Variants in TTN observed in about 807,000 individuals in gnomAD.
The protein encoded by TTN is connectin.
Under a neutral mutation model 3,223.0 loss-of-function variants are expected in TTN, and 1,525 were observed. That is an observed-to-expected ratio of 0.47 (90% CI 0.45 to 0.49). TTN has a LOEUF of 0.49. Among genes scored for constraint, TTN ranks in the 20% least tolerant of loss-of-function variants. TTN has a pLI of 0.00. For missense variants in TTN, 40,786 were observed against 43,424.0 expected (o/e 0.94, Z 5.40); for synonymous variants, 14,094 against 15,161.0 (o/e 0.93, Z 5.17).
intron 298 of TTN, 21 bp downstream of exon 298, chr2:178,593,547 A>C (rs1433592767): frequency 6.2e-7 from 1 of 1,603,910 alleles, no homozygotes; most frequent in Non-Finnish European, 8.5e-7. Context: ...TTGAATCACT[A>C]AAAAGAAACA....
At chr2:178,624,325 G>T in intron 242 of TTN, 140 bp downstream of exon 242, 1 of 988,138 alleles carries the variant, frequency 1.0e-6, no homozygotes, top group Non-Finnish European at 1.6e-6. Flanking sequence ...TAAAGGATCA[G>T]GTTAGGTCAG....
intron 49 of TTN, among the ~76,000 whole-genome samples, chr2:178,736,950 C>T (rs561009858): frequency 2.6e-5 from 4 of 152,228 alleles, no homozygotes; most frequent in South Asian, 2.1e-4. Context: ...TTTGCCCTTC[C>T]CCTTGATATT....
chr2:178,627,384 G>A (rs2059204853), intron 240 of TTN, among the ~76,000 whole-genome samples: 1 of 151,858 alleles, frequency 6.6e-6, no homozygotes, highest in African/African-American at 2.4e-5. Flanking sequence ...ATTAAAGTTC[G>A]GAATTACATT....
chr2:178,603,095 A>G (rs560749858), intron 282 of TTN, among the ~76,000 whole-genome samples: 1 of 152,046 alleles, frequency 6.6e-6, no homozygotes, highest in Non-Finnish European at 1.5e-5. Context: ...CTTTACAATT[A>G]CAGAAATTCT....
chr2:178,706,412 T>C (rs745752974), intron 102 of TTN, 42 bp downstream of exon 102: 105 of 1,550,824 alleles, frequency 6.8e-5, no homozygotes, highest in Non-Finnish European at 8.2e-5. Context: ...CCCACTTATA[T>C]GGAGGGCTGA....
At position 178,724,531 on chromosome 2, in the gene TTN, T is replaced by C. The variant is rs568389915; in HGVS notation, c.20844A>G (p.Ala6948=). ...TCGGTCCTGCCTTCTCAACAATGAC[T>C]GCGGGCTCTGAAATAAAACGTGATA... The part of the protein sequence containing the change: ...NMATLMVLEP[A]VIVEKAGPMT... Residue 6948 remains alanine (A), a synonymous_variant, in exon 72 of 363, where the codon GCA becomes GCG. Transcript: ENST00000589042. 6.3e-7 allele frequency: 1 copy of C among 1,584,742 alleles called. No individual in the cohort carries two copies. Among genetic ancestry groups the C allele is most frequent in the African/African-American group, 1.4e-5 (1 of 73,924 alleles).
Position 178,562,904 on chromosome 2 carries a change from C to A in TTN, c.83228G>T (p.Arg27743Leu). The A allele has an allele frequency of 6.2e-7, 1 of 1,613,386 alleles. No individual in the cohort carries two copies. Among genetic ancestry groups the A allele is most frequent in the Non-Finnish European group, 8.5e-7 (1 of 1,179,678 alleles). Residue 27743 changes from arginine (R) to leucine (L), a missense_variant, in exon 326 of 363, where the codon CGG becomes CTG. Arg to Leu is a moderately radical substitution (Grantham distance 102). Coordinates refer to ENST00000589042, the MANE Select transcript of TTN (RefSeq NM_001267550.2). ...IDNVTRFDSG[R>L]YNLTLENNSG... ...ATTATTTTCTAATGTCAGATTATACCGACCACTGTCAAATCTGGTAACATT... is the reference window on the plus strand; with the variant it reads ...ATTATTTTCTAATGTCAGATTATACAGACCACTGTCAAATCTGGTAACATT...
At position 178,685,712 on chromosome 2, in the gene TTN, A is replaced by G. The variant is rs148757560; in HGVS notation, c.32312-114T>C. 7.8e-3 allele frequency: 7,417 copies of G among 956,852 alleles called. 39 individuals carry two copies. Among genetic ancestry groups the G allele is most frequent in the Middle Eastern group, 0.017 (79 of 4,528 alleles). The allele number at this position is 956,852 out of a possible 1,614,324, so 59.3% of individuals were successfully genotyped here. Reference sequence around the variant, plus strand: ...AAATAGCAAAAGTTTAACCCTTGCCAAACCCCTGCTTGTTCCTATTTAAAA... The same window carrying G: ...AAATAGCAAAAGTTTAACCCTTGCCGAACCCCTGCTTGTTCCTATTTAAAA... On this transcript the variant is annotated intron_variant, in intron 127 of 362. Transcript: ENST00000589042.
At position 178,764,641 on chromosome 2, in the gene TTN, G is replaced by T; in HGVS notation, c.9874C>A (p.Gln3292Lys). 6.2e-7 allele frequency: 1 copy of T among 1,614,050 alleles called. No homozygotes were observed. Among genetic ancestry groups the T allele is most frequent in the South Asian group, 1.1e-5 (1 of 91,074 alleles). The change falls in exon 42 of 363, where the codon CAA (glutamine) becomes AAA (lysine). Residue 3292 changes from glutamine to lysine, a missense_variant. Physicochemically the swap from Gln to Lys is moderately conservative, Grantham distance 53. Transcript: ENST00000589042. ...GFKCKFLHDG[Q>K]EYTLLLIEAF... ...TCAATTAGCAAAAGCGTGTATTCTT[G>T]CCCATCATGAAGAAATTTGCACTTG...
chr2:178,744,617 CTTG>C (rs1247415045), intron 47 of TTN: 2 of 937,856 alleles, frequency 2.1e-6, no homozygotes, highest in African/African-American at 1.8e-5. Context: ...GATAGGAAAG[CTTG>C]TTATCTTGTT....
At chr2:178,800,873 C>A (rs1479205662) in intron 3 of TTN, among the ~76,000 whole-genome samples, 191 bp from the exon 4 acceptor site, 1 of 152,244 alleles carries the variant, frequency 6.6e-6, no homozygotes, top group Non-Finnish European at 1.5e-5. Context: ...AGAAGGCTTT[C>A]TCACCACCAT....
rs1559035751 is a variant in TTN at position 178,534,305 on chromosome 2, T to C, written c.102310A>G (p.Met34104Val). ...YHTLIKKDLNMVVSAARISCG... is the reference protein window; with the variant it reads ...YHTLIKKDLNVVVSAARISCG... ...GAGATCCGGGCTGCTGACACAACCATGTTGAGGTCTTTCTTGATCAGGGTG... is the reference window on the plus strand; with the variant it reads ...GAGATCCGGGCTGCTGACACAACCACGTTGAGGTCTTTCTTGATCAGGGTG... Residue 34104 changes from methionine (M) to valine (V), a missense_variant, in exon 358 of 363, where the codon ATG (methionine) becomes GTG (valine). By Grantham distance (21) the Met-to-Val change is conservative (BLOSUM62 1). Transcript: ENST00000589042. 1.9e-6 allele frequency: 3 copies of C among 1,613,732 alleles called. No individual in the cohort carries two copies. Among genetic ancestry groups the C allele is most frequent in the Non-Finnish European group, 1.7e-6 (2 of 1,179,836 alleles).
intron 131 of TTN, 76 bp downstream of exon 131, chr2:178,684,590 A>T: frequency 6.8e-7 from 1 of 1,481,306 alleles, no homozygotes; most frequent in South Asian, 1.3e-5. Context: ...AAACAGTATG[A>T]CCCAAAGAAC....
chr2:178,590,579 G>A lies in TTN; in HGVS notation c.61146C>T (p.Asp20382=), dbSNP rs1365628333. The change falls in exon 304 of 363, where the codon GAC becomes GAT. Residue 20382 remains aspartate, a synonymous_variant. Transcript: ENST00000589042. ...PGPPINPKLK[D]KSRETADLVW... is the part of the protein sequence containing the mutation. ...CCAAATCAGCTGTTTCTCTGCTCTT[G>A]TCTTTCAGTTTAGGATTAATAGGTG... 1 of 1,612,584 alleles carries A rather than the reference G, an allele frequency of 6.2e-7. No individual in the cohort carries two copies. The highest frequency in any genetic ancestry group is 2.2e-5 in the East Asian group (1 of 44,768).
rs768519558 is a variant in TTN, at chr2:178,728,923, A to G, written c.19115T>C (p.Val6372Ala). The G allele has an allele frequency of 1.9e-6, 3 of 1,609,228 alleles. No homozygotes were observed. Among genetic ancestry groups the G allele is most frequent in the Non-Finnish European group, 2.5e-6 (3 of 1,177,510 alleles). The change falls in exon 65 of 363, where the codon GTT becomes GCT. Residue 6372 changes from valine (V) to alanine (A), a missense_variant. Coordinates refer to ENST00000589042, the MANE Select transcript of TTN (RefSeq NM_001267550.2). ...YTCQAKNESG[V>A]ERCYAFLLVQ... Reference sequence around the variant, plus strand: ...TAAAAGGAAAGCATAACACCTCTCAACTCCTGACTCATTCTTGGCTTGACA... The same window carrying G: ...TAAAAGGAAAGCATAACACCTCTCAGCTCCTGACTCATTCTTGGCTTGACA...
In TTN at chr2:178,533,287, C is replaced by T. The variant is rs911726592; in HGVS notation, c.103328G>A (p.Gly34443Glu). The T allele has an allele frequency of 6.2e-7, 1 of 1,613,898 alleles. No individual in the cohort carries two copies. The highest frequency in any genetic ancestry group is 8.5e-7 in the Non-Finnish European group (1 of 1,179,856). ...YYRVTATNTA[G>E]STSCQAHLQV... ...TAGGTGAGCCTGGCAGCTGGTGGACCCAGCTGTGTTAGTGGCTGTGACTCT... is the reference window on the plus strand; with the variant it reads ...TAGGTGAGCCTGGCAGCTGGTGGACTCAGCTGTGTTAGTGGCTGTGACTCT... Residue 34443 changes from glycine (G) to glutamate (E), a missense_variant, in exon 358 of 363, where the codon GGG becomes GAG. Transcript: ENST00000589042.
rs752083436 is a variant in TTN, at chr2:178,785,855, G to A, written c.2363C>T (p.Ser788Leu). 3.1e-6 allele frequency: 5 copies of A among 1,614,140 alleles called. No homozygotes were observed. Among genetic ancestry groups the A allele is most frequent in the African/African-American group, 1.3e-5 (1 of 75,054 alleles). ...CAGCAGGTATAGACTCACCTGTGAT[G>A]ATATGTGCATTCCCTTTTGATCAGT... is the stretch of plus-strand genomic sequence containing the variant. ...KTTDQKGMHI[S>L]SQIKKTTDLT... Residue 788 changes from serine (S) to leucine (L), a missense_variant, in exon 14 of 363, where the codon TCA becomes TTA. Transcript: ENST00000589042.
In TTN at chr2:178,677,780, G is replaced by A. The variant is rs960128787; in HGVS notation, c.34132C>T (p.Leu11378=). ...EEVLPEEEEV[L]PEEEEVLPEE... is the part of the protein sequence containing the mutation. Reference sequence around the variant, plus strand: ...GGTAGAACTTCCTCTTCTTCAGGTAGAACTTCCTCTTCCTCAGGTAGAACT... The same window carrying A: ...GGTAGAACTTCCTCTTCTTCAGGTAAAACTTCCTCTTCCTCAGGTAGAACT... The change falls in exon 146 of 363, where the codon CTA becomes TTA. Residue 11378 remains leucine (L), a synonymous_variant. Transcript: ENST00000589042. 2.5e-6 allele frequency: 4 copies of A among 1,612,624 alleles called. No homozygotes were observed. The highest frequency in any genetic ancestry group is 3.4e-6 in the Non-Finnish European group (4 of 1,179,098).
rs116142642 is a variant in TTN, at chr2:178,604,002, C to A, written c.54685G>T (p.Val18229Leu). Residue 18229 changes from valine (V) to leucine (L), a missense_variant, in exon 282 of 363, where the codon GTG becomes TTG. Val to Leu is a conservative substitution (Grantham distance 32). Coordinates refer to ENST00000589042, the MANE Select transcript of TTN (RefSeq NM_001267550.2). ...AGCAAACGAGGAACATTAAATTCCACGCCTTTCAATCCCACTTTGGTTATT... is the reference window on the plus strand; with the variant it reads ...AGCAAACGAGGAACATTAAATTCCAAGCCTTTCAATCCCACTTTGGTTATT... ...APITKVGLKG[V>L]EFNVPRLLEG... is the part of the protein sequence containing the mutation. The A allele has an allele frequency of 3.1e-6, 5 of 1,612,888 alleles. No individual in the cohort carries two copies. The Admixed American group carries it at 8.3e-5, about 27-fold the overall frequency.
Sources: gnomAD v4.1 joint callset for allele counts (sites outside exome capture counted in the v4.1 genomes callset) on GRCh38, gnomAD v4.1.1 for gene constraint, MANE v1.5 for transcripts, NCBI Gene and HGNC (gene_info 2026-07-23, HGNC 2026-07-21) for gene names.